TFEC: variants seen among roughly 807,000 people sequenced by gnomAD.
The protein encoded by TFEC is class E basic helix-loop-helix protein 34.
TFEC carries 31 observed loss-of-function variants against 41.6 expected under a neutral mutation model. That is an observed-to-expected ratio of 0.74 (90% confidence interval 0.56 to 1.01). The LOEUF (loss-of-function observed/expected upper bound fraction) is 1.01, where lower values mean the gene tolerates loss of function less well. Ranked by LOEUF, TFEC falls within the 50% of genes least tolerant of loss-of-function variation. TFEC has a pLI of 0.00. For missense variants in TFEC, 402 were observed against 404.1 expected (o/e 0.99, Z 0.04); for synonymous variants, 143 against 140.6 (o/e 1.02, Z -0.12).
chr7:116,001,441 G>A (rs1794590554), intron 1 of TFEC, among the ~76,000 whole-genome samples: 1 of 151,502 alleles, frequency 6.6e-6, no homozygotes, highest in Non-Finnish European at 1.5e-5. Flanking sequence ...GTTGCAGTGA[G>A]CCGAGATCAT....
chr7:115,940,391 T>G lies in TFEC; in HGVS notation c.*160A>C, dbSNP rs1793427201. 3 of 773,264 alleles carry G rather than the reference T, an allele frequency of 3.9e-6. No homozygotes were observed. The South Asian group carries it at 7.6e-5, about 20-fold the overall frequency. The allele number at this position is 773,264 out of a possible 1,614,324, so 47.9% of individuals were successfully genotyped here. A position where few individuals can be genotyped will look rare whatever the true frequency, so the allele number is the denominator to read the frequency against. On this transcript the variant is annotated 3_prime_UTR_variant, in exon 8 of 8. Transcript: ENST00000265440. ...AATAATTCATTAACACTATGATTTT[T>G]CTTCCTGCGAATTCTTCTGTTGCTT...
chr7:116,096,447 G>T (rs917464809), intron 3 of TFEC, among the ~76,000 whole-genome samples: 1 of 152,158 alleles, frequency 6.6e-6, no homozygotes, highest in African/African-American at 2.4e-5. Context: ...AGGAAGGTTG[G>T]AGCAGGTGGA....
At chr7:115,990,387 G>A (rs910130604) in intron 1 of TFEC, among the ~76,000 whole-genome samples, 1 of 152,196 alleles carries the variant, frequency 6.6e-6, no homozygotes, top group Non-Finnish European at 1.5e-5. Flanking sequence ...TGACTTTGAG[G>A]AGTTGAGAGA....
intron 3 of TFEC, among the ~76,000 whole-genome samples, chr7:115,968,872 C>G (rs142526431): frequency 1.8e-3 from 271 of 151,960 alleles, no homozygotes; most frequent in African/African-American, 5.9e-3. Flanking sequence ...AAGCTTCTTT[C>G]CTCATTTGTA....
intron 3 of TFEC, among the ~76,000 whole-genome samples, chr7:116,090,085 T>A (rs1797290342): frequency 6.6e-6 from 1 of 152,168 alleles, no homozygotes; most frequent in South Asian, 2.1e-4. Context: ...CATGCCTAAG[T>A]AACAAAAGGA....
chr7:116,018,798 A>G (rs1289300723), intron 1 of TFEC, among the ~76,000 whole-genome samples: 1 of 152,208 alleles, frequency 6.6e-6, no homozygotes, highest in African/African-American at 2.4e-5. Flanking sequence ...GGCTAAAACA[A>G]TGCCAGCTGG....
intron 6 of TFEC, 112 bp from the exon 7 acceptor site, chr7:115,942,152 A>C: frequency 9.1e-7 from 1 of 1,096,348 alleles, no homozygotes; most frequent in Non-Finnish European, 1.2e-6. Flanking sequence ...ACTATTATTC[A>C]CTCTTAGATA....
intron 1 of TFEC, among the ~76,000 whole-genome samples, chr7:116,142,363 G>A (rs1798558550): frequency 6.6e-6 from 1 of 152,160 alleles, no homozygotes. Context: ...AAGACTCGAG[G>A]TAGTGGACAC....
intron 1 of TFEC, among the ~76,000 whole-genome samples, chr7:116,136,283 T>A (rs1005676776): frequency 6.6e-6 from 1 of 152,040 alleles, no homozygotes; most frequent in Non-Finnish European, 1.5e-5. Context: ...AGCAATTTAA[T>A]AATTCAAAAG....
At chr7:115,977,052 G>C (rs1381664013) in intron 2 of TFEC, among the ~76,000 whole-genome samples, 2 of 151,646 alleles carry the variant, frequency 1.3e-5, no homozygotes, top group Non-Finnish European at 2.9e-5. Context: ...CCTAATTTCA[G>C]TTTTACCATT....
chr7:115,963,324 G>A (rs960947773), intron 3 of TFEC, among the ~76,000 whole-genome samples: 1 of 151,768 alleles, frequency 6.6e-6, no homozygotes, highest in Non-Finnish European at 1.5e-5. Context: ...AAGAAAAATT[G>A]AGGAGTGCTG....
chr7:116,059,978 A>G (rs1410090932), intron 3 of TFEC, among the ~76,000 whole-genome samples: 3 of 152,108 alleles, frequency 2.0e-5, no homozygotes, highest in African/African-American at 7.2e-5. Flanking sequence ...AGGCAGAAAA[A>G]TGACATTAAA....
chr7:116,123,083 A>G (rs528680894), intron 1 of TFEC, among the ~76,000 whole-genome samples: 1 of 152,264 alleles, frequency 6.6e-6, no homozygotes, highest in East Asian at 1.9e-4. Flanking sequence ...CATAGTTATG[A>G]ATGTTATATA....
chr7:115,951,024 A>T (rs1008533961), intron 5 of TFEC, 75 bp from the exon 6 acceptor site: 6 of 855,374 alleles, frequency 7.0e-6, no homozygotes, highest in Non-Finnish European at 1.0e-5. Context: ...AACATTTTTA[A>T]CAATCTTTTA....
chr7:116,076,526 G>A (rs950221821), intron 3 of TFEC, among the ~76,000 whole-genome samples: 2 of 151,890 alleles, frequency 1.3e-5, no homozygotes, highest in Non-Finnish European at 2.9e-5. Flanking sequence ...TCAAAAACAT[G>A]ATACAGGATA....
At position 116,011,312 on chromosome 7, in the gene TFEC, T is replaced by C. The variant is rs561402609; in HGVS notation, c.-73+19321A>G. ...TGAGTAAATAGCACGTGGAAAAGAC[T>C]ATCCTGCATGCTTTGAATATATAAT... On this transcript the variant is annotated intron_variant, in intron 1 of 7. Coordinates refer to ENST00000265440, the MANE Select transcript of TFEC (RefSeq NM_012252.4). Among the ~76,000 whole-genome samples the C allele has an allele frequency of 7.2e-5, 11 of 152,312 alleles. No individual in the cohort carries two copies. The South Asian group carries it at 2.3e-3, about 32-fold the overall frequency.
rs781730570 is a variant in TFEC at position 115,940,691 on chromosome 7, G to C, written c.904C>G (p.Gln302Glu). The change falls in exon 8 of 8, where the codon CAA (glutamine) becomes GAA (glutamate). Residue 302 changes from glutamine (Q) to glutamate (E), a missense_variant. By Grantham distance (29) the Gln-to-Glu change is conservative. Coordinates refer to ENST00000265440, the MANE Select transcript of TFEC (RefSeq NM_012252.4). ...LSFSAALKEE[Q>E]RLDGMLLDDT... ...TCCAATAGCATGCCATCCAATCTTT[G>C]TTCCTCTTTCAATGCAGCACTAAAT... The C allele has an allele frequency of 3.2e-5, 51 of 1,613,418 alleles. No individual in the cohort carries two copies. The highest frequency in any genetic ancestry group is 4.2e-5 in the Non-Finnish European group (49 of 1,179,646).
chr7:115,959,470 A>G (rs1294049855), intron 3 of TFEC, among the ~76,000 whole-genome samples: 1 of 151,766 alleles, frequency 6.6e-6, no homozygotes, highest in Non-Finnish European at 1.5e-5. Context: ...CTTTCCACAT[A>G]TACACTGCTA....
At chr7:116,144,449 A>T (rs1562985768) in intron 1 of TFEC, among the ~76,000 whole-genome samples, 1 of 152,192 alleles carries the variant, frequency 6.6e-6, no homozygotes, top group African/African-American at 2.4e-5. Context: ...TACAATGCCC[A>T]GTTTGTTTGG....
Sources: gnomAD v4.1 joint callset for allele counts (sites outside exome capture counted in the v4.1 genomes callset) on GRCh38, gnomAD v4.1.1 for gene constraint, MANE v1.5 for transcripts, NCBI Gene and HGNC (gene_info 2026-07-23, HGNC 2026-07-21) for gene names.